Variants in PCLO observed in about 807,000 individuals in gnomAD.
PCLO encodes the protein piccolo presynaptic cytomatrix protein, also known as protein piccolo.
In PCLO, 82 loss-of-function variants were observed where a neutral mutation model predicts 427.5. That is an observed-to-expected ratio of 0.19 (90% CI 0.16 to 0.23). PCLO has a LOEUF of 0.23. Among genes scored for constraint, PCLO ranks in the 10% least tolerant of loss-of-function variants. The pLI is 1.00. For missense variants in PCLO, 6,239 were observed against 6,115.9 expected (o/e 1.02, Z -0.67); for synonymous variants, 2,357 against 2,155.4 (o/e 1.09, Z -2.59).
chr7:83,072,558 G>T (rs986214224), intron 3 of PCLO, among the ~76,000 whole-genome samples: 3 of 152,126 alleles, frequency 2.0e-5, no homozygotes, highest in South Asian at 2.1e-4. Context: ...AAGAGATAAT[G>T]ATTCCAGTCT....
intron 6 of PCLO, among the ~76,000 whole-genome samples, chr7:82,946,384 T>C (rs1795204300): frequency 6.6e-6 from 1 of 152,218 alleles, no homozygotes. Flanking sequence ...GTAGAGCTTA[T>C]ATTCTACTGG....
chr7:83,082,601 C>T (rs1479739739), intron 3 of PCLO, among the ~76,000 whole-genome samples: 2 of 151,516 alleles, frequency 1.3e-5, no homozygotes, highest in Non-Finnish European at 1.5e-5. Flanking sequence ...CTACAGTTAA[C>T]ATCAATTTAT....
intron 3 of PCLO, among the ~76,000 whole-genome samples, chr7:83,094,356 G>A (rs958113808): frequency 4.6e-5 from 7 of 151,694 alleles, no homozygotes; most frequent in African/African-American, 1.2e-4. Context: ...CTACAGGTGT[G>A]CGCCACCATG....
intron 22 of PCLO, among the ~76,000 whole-genome samples, chr7:82,784,650 T>A (rs1319145773): frequency 4.6e-5 from 7 of 152,152 alleles, no homozygotes; most frequent in Non-Finnish European, 8.8e-5. Context: ...CAGTCTTGAG[T>A]ATTTACTGTA....
Position 82,908,764 on chromosome 7 carries a change from T to C in PCLO, c.13437+113A>G, listed in dbSNP as rs1794251676. On this transcript the variant is annotated intron_variant, in intron 8 of 24. Transcript: ENST00000333891. ...CTTTATGTTATTGGAAAAAATCATT[T>C]GTGAAATTAATAAACAAACATCTCA... 8 of 934,000 alleles carry C rather than the reference T, an allele frequency of 8.6e-6. 1 individual carries two copies. In the Admixed American group the frequency reaches 2.0e-4, roughly 23 times the overall value. The allele number at this position is 934,000 out of a possible 1,614,324, so 57.9% of individuals were successfully genotyped here. A position where few individuals can be genotyped will look rare whatever the true frequency, so the allele number is the denominator to read the frequency against.
chr7:82,916,401 G>T lies in PCLO; in HGVS notation c.11585C>A (p.Thr3862Asn). Residue 3862 changes from threonine to asparagine, a missense_variant, in exon 7 of 25, where the codon ACT (threonine) becomes AAT (asparagine). By Grantham distance (65) the Thr-to-Asn change is moderately conservative. Coordinates refer to ENST00000333891, the MANE Select transcript of PCLO (RefSeq NM_033026.6). ...TGGTGGTATAAACTGGCTGAATTCAGTTTGGGGAGCAGTTCTTGGTCGCTC... is the reference window on the plus strand; with the variant it reads ...TGGTGGTATAAACTGGCTGAATTCATTTTGGGGAGCAGTTCTTGGTCGCTC... ...GIERPRTAPQ[T>N]EFSQFIPPQT... 11 of 1,613,738 alleles carry T rather than the reference G, an allele frequency of 6.8e-6. No homozygotes were observed. The highest frequency in any genetic ancestry group is 9.3e-6 in the Non-Finnish European group (11 of 1,179,750).
intron 10 of PCLO, among the ~76,000 whole-genome samples, chr7:82,874,696 T>G (rs1045227932): frequency 1.3e-5 from 2 of 152,304 alleles, no homozygotes; most frequent in East Asian, 3.9e-4. Context: ...AAGATGCTGG[T>G]TATATTGAAC....
At chr7:82,925,326 T>C (rs903451224) in intron 6 of PCLO, among the ~76,000 whole-genome samples, 1 of 152,134 alleles carries the variant, frequency 6.6e-6, no homozygotes, top group Non-Finnish European at 1.5e-5. Context: ...ACATATTCCT[T>C]TGATTTTAGG....
intron 3 of PCLO, among the ~76,000 whole-genome samples, chr7:83,024,235 T>G (rs1788421362): frequency 6.6e-6 from 1 of 152,036 alleles, no homozygotes; most frequent in African/African-American, 2.4e-5. Flanking sequence ...TGGGCTCAAG[T>G]CAGTGGGTGC....
At chr7:82,845,184 T>G in intron 13 of PCLO, 87 bp downstream of exon 13, 1 of 915,196 alleles carries the variant, frequency 1.1e-6, no homozygotes, top group Non-Finnish European at 1.7e-6. Flanking sequence ...GAAAAATACT[T>G]TAGAAAATGA....
chr7:83,100,585 A>G (rs534605125), intron 3 of PCLO, among the ~76,000 whole-genome samples: 17 of 152,286 alleles, frequency 1.1e-4, no homozygotes, highest in African/African-American at 3.9e-4. Flanking sequence ...GTTCTCACTT[A>G]TAAGTGGGAG....
chr7:83,020,768 C>T (rs1246622268), intron 3 of PCLO, among the ~76,000 whole-genome samples: 1 of 152,014 alleles, frequency 6.6e-6, no homozygotes, highest in Non-Finnish European at 1.5e-5. Context: ...GAAGTGGTCC[C>T]TATAAATTTC....
chr7:82,862,920 A>G (rs1331410210), intron 10 of PCLO, among the ~76,000 whole-genome samples: 1 of 151,926 alleles, frequency 6.6e-6, no homozygotes, highest in Non-Finnish European at 1.5e-5. Flanking sequence ...AGAATAAATA[A>G]GACCTGCTAT....
At chr7:82,945,164 C>T (rs189810072) in intron 6 of PCLO, among the ~76,000 whole-genome samples, 209 of 151,860 alleles carry the variant, frequency 1.4e-3, no homozygotes, top group African/African-American at 4.6e-3. Flanking sequence ...AGGAAACAGG[C>T]GGTAATGTTT....
chr7:83,078,039 C>T (rs951872814), intron 3 of PCLO, among the ~76,000 whole-genome samples: 1 of 152,146 alleles, frequency 6.6e-6, no homozygotes, highest in Admixed American at 6.5e-5. Flanking sequence ...ATTTCCAGCA[C>T]TCAGAGTACA....
At chr7:83,141,088 A>T (rs745671235) in intron 2 of PCLO, among the ~76,000 whole-genome samples, 13 of 152,196 alleles carry the variant, frequency 8.5e-5, no homozygotes, top group Non-Finnish European at 1.6e-4. Context: ...GGCTTCCACA[A>T]AGGTTTCCTA....
At chr7:82,771,191 A>T (rs1410451925) in intron 22 of PCLO, among the ~76,000 whole-genome samples, 1 of 151,898 alleles carries the variant, frequency 6.6e-6, no homozygotes, top group African/African-American at 2.4e-5. Context: ...ATTGTATGAA[A>T]ATGGAGCCAC....
intron 6 of PCLO, among the ~76,000 whole-genome samples, chr7:82,930,851 T>C (rs542384778): frequency 4.6e-5 from 7 of 152,276 alleles, no homozygotes; most frequent in African/African-American, 1.7e-4. Context: ...GTAGGAAGGT[T>C]CCTGCAAGCC....
intron 3 of PCLO, among the ~76,000 whole-genome samples, chr7:83,009,342 C>A (rs556166638): frequency 6.6e-6 from 1 of 151,800 alleles, no homozygotes; most frequent in Non-Finnish European, 1.5e-5. Context: ...GTGAAATTAA[C>A]ACTAGAGAAG....
Sources: allele counts gnomAD v4.1 joint callset (sites outside exome capture counted in the v4.1 genomes callset), GRCh38; gene constraint gnomAD v4.1.1; transcripts MANE v1.5; gene names NCBI Gene and HGNC (gene_info 2026-07-23, HGNC 2026-07-21).